MTMR12: variants seen among roughly 807,000 people sequenced by gnomAD.
The protein encoded by MTMR12 is myotubularin-related protein 12.
Under a neutral mutation model 96.7 loss-of-function variants are expected in MTMR12, and 33 were observed. The observed-to-expected ratio is 0.34, with a 90% CI of 0.26 to 0.46. The LOEUF (loss-of-function observed/expected upper bound fraction) is 0.46, where lower values mean the gene tolerates loss of function less well. MTMR12 is among the 20% of genes least tolerant of loss of function. The pLI is 1.00. For missense variants in MTMR12, 721 were observed against 896.1 expected (o/e 0.80, Z 2.49); for synonymous variants, 298 against 327.2 (o/e 0.91, Z 0.96).
chr5:32,243,168 G>A (rs1191573685), intron 11 of MTMR12, among the ~76,000 whole-genome samples: 2 of 152,158 alleles, frequency 1.3e-5, no homozygotes, highest in Admixed American at 6.5e-5. Flanking sequence ...TAAGACACAA[G>A]ATTAAAAAAG....
In MTMR12 at chr5:32,257,519, C is replaced by T. The variant is rs936531934; in HGVS notation, c.714-1751G>A. On this transcript the variant is annotated intron_variant, in intron 7 of 15. Transcript: ENST00000382142. ...GGCATGGTGGCTCACACCTATAATC[C>T]CAGAACTTTGGGAGGCTGAGGTGGG... Among the ~76,000 whole-genome samples the T allele has an allele frequency of 2.0e-5, 3 of 151,890 alleles. 1 individual carries two copies. Among genetic ancestry groups the T allele is most frequent in the South Asian group, 2.1e-4 (1 of 4,816 alleles).
rs914079684 is a variant in MTMR12 at position 32,312,535 on chromosome 5, G to T, written c.81+223C>A. On this transcript the variant is annotated intron_variant, in intron 1 of 15. Coordinates refer to ENST00000382142, the MANE Select transcript of MTMR12 (RefSeq NM_001040446.3). This position sits in a 1 kb window ranked among gnomAD's most constrained non-coding sequence, Gnocchi z 5.0. ...GCCCCTCCACCAGCCTCCAGCGCTC[G>T]GGCCCTGCGCTCAGGCACCTGCCTG... is the stretch of plus-strand genomic sequence containing the variant. Among the ~76,000 whole-genome samples the T allele has an allele frequency of 6.6e-6, 1 of 152,206 alleles. No individual in the cohort carries two copies. The highest frequency in any genetic ancestry group is 6.5e-5 in the Admixed American group (1 of 15,300).
At chr5:32,244,139 G>T (rs1748582067) in intron 10 of MTMR12, among the ~76,000 whole-genome samples, 1 of 152,160 alleles carries the variant, frequency 6.6e-6, no homozygotes, top group Admixed American at 6.5e-5. Flanking sequence ...CTCAGGCTGG[G>T]TGCTGTGGCT....
chr5:32,230,979 T>C (rs1056771413), intron 15 of MTMR12, among the ~76,000 whole-genome samples: 4 of 152,176 alleles, frequency 2.6e-5, no homozygotes, highest in Admixed American at 1.3e-4. Context: ...TGACCAGACT[T>C]GTCTGGCAAC....
chr5:32,229,607 T>A lies in MTMR12; in HGVS notation c.*171A>T. 1.9e-6 allele frequency: 1 copy of A among 526,552 alleles called. No homozygotes were observed. Among genetic ancestry groups the A allele is most frequent in the Admixed American group, 3.9e-5 (1 of 25,804 alleles). 32.6% of individuals were successfully genotyped at this position (526,552 alleles called of 1,614,324 possible). A position where few individuals can be genotyped will look rare whatever the true frequency, so the allele number is the denominator to read the frequency against. On this transcript the variant is annotated 3_prime_UTR_variant, in exon 16 of 16. Coordinates refer to ENST00000382142, the MANE Select transcript of MTMR12 (RefSeq NM_001040446.3). ...GATGCGGTTTTAATTGCATAGTCTTTTAGAATCATGAAAAATAATGAGAGC... is the reference window on the plus strand; with the variant it reads ...GATGCGGTTTTAATTGCATAGTCTTATAGAATCATGAAAAATAATGAGAGC...
At chr5:32,281,865 A>C (rs919401112) in intron 1 of MTMR12, among the ~76,000 whole-genome samples, 1 of 148,856 alleles carries the variant, frequency 6.7e-6, no homozygotes, top group South Asian at 2.1e-4. Flanking sequence ...ATACCATTGC[A>C]CTCCAGCCTG....
rs757683450 is a variant in MTMR12, at chr5:32,255,755, A to G, written c.727T>C (p.Phe243Leu). 6.2e-7 allele frequency: 1 copy of G among 1,612,654 alleles called. No individual in the cohort carries two copies. The highest frequency in any genetic ancestry group is 8.5e-7 in the Non-Finnish European group (1 of 1,179,422). The change falls in exon 8 of 16, where the codon TTT becomes CTT. Residue 243 changes from phenylalanine (F) to leucine (L), a missense_variant. Physicochemically the swap from Phe to Leu is conservative, Grantham distance 22. Transcript: ENST00000382142. Reference sequence around the variant, plus strand: ...TCAGGAAGAGGGGTGGGGACAACAAAGTATGCTGGCAATCTAGAAGAAAGA... The same window carrying G: ...TCAGGAAGAGGGGTGGGGACAACAAGGTATGCTGGCAATCTAGAAGAAAGA... ...YKVCERLPAY[F>L]VVPTPLPEEN...
rs1748797616 is a variant in MTMR12, at chr5:32,248,796, T to C, written c.872A>G (p.Gln291Arg). 5 of 1,614,172 alleles carry C rather than the reference T, an allele frequency of 3.1e-6. No homozygotes were observed. The highest frequency in any genetic ancestry group is 2.5e-6 in the Non-Finnish European group (3 of 1,179,996). The change falls in exon 9 of 16, where the codon CAA becomes CGA. Residue 291 changes from glutamine to arginine, a missense_variant. Coordinates refer to ENST00000382142, the MANE Select transcript of MTMR12 (RefSeq NM_001040446.3). ...CCCATCTAAGAAGCTCTTTTGGATT[T>C]GTAAAATGCCGTCATCCTGTTCTTT... ...LPKEQDDGIL[Q>R]IQKSFLDGIY...
chr5:32,298,871 C>T (rs113289340), intron 1 of MTMR12, among the ~76,000 whole-genome samples: 8,290 of 149,870 alleles, frequency 0.055, 467 homozygotes, highest in African/African-American at 0.14. Context: ...GAGAATGGCA[C>T]GAACCCGGGA....
chr5:32,296,635 C>G (rs1291088051), intron 1 of MTMR12, among the ~76,000 whole-genome samples: 2 of 151,542 alleles, frequency 1.3e-5, no homozygotes, highest in Non-Finnish European at 2.9e-5. Flanking sequence ...ACAGTGAAAC[C>G]TGTCCCTACC....
intron 7 of MTMR12, among the ~76,000 whole-genome samples, chr5:32,262,366 C>T (rs6862962): frequency 0.16 from 24,924 of 152,066 alleles, 2,569 homozygotes; most frequent in South Asian, 0.23. Context: ...TTTGGAAGGC[C>T]GAGGTGAGAG....
rs957454893 is a variant in MTMR12, at chr5:32,233,412, G to A, written c.1674+361C>T. 1.3e-5 allele frequency among the ~76,000 whole-genome samples: 2 copies of A among 151,082 alleles called. No homozygotes were observed. The highest frequency in any genetic ancestry group is 2.4e-5 in the African/African-American group (1 of 40,882). Reference sequence around the variant, plus strand: ...TTATTATAATAAATGAACTGGTATCGGCCAAGTAAAACCCACACAATCAAT... The same window carrying A: ...TTATTATAATAAATGAACTGGTATCAGCCAAGTAAAACCCACACAATCAAT... On this transcript the variant is annotated intron_variant, in intron 15 of 15. Coordinates refer to ENST00000382142, the MANE Select transcript of MTMR12 (RefSeq NM_001040446.3). This position sits in a 1 kb window ranked among gnomAD's most constrained non-coding sequence, Gnocchi z 5.0.
intron 1 of MTMR12, among the ~76,000 whole-genome samples, chr5:32,280,925 AT>A (rs1750264866): frequency 6.6e-6 from 1 of 151,494 alleles, no homozygotes; most frequent in Admixed American, 6.6e-5. Flanking sequence ...ATTTCCTTTC[AT>A]GAGTAAACAA....
chr5:32,296,322 T>A (rs574474232), intron 1 of MTMR12: 112 of 162,272 alleles, frequency 6.9e-4, no homozygotes, highest in African/African-American at 2.5e-3. Context: ...TTACAAAAAA[T>A]GAACAAAATT....
intron 7 of MTMR12, 40 bp downstream of exon 7, chr5:32,263,073 G>A (rs1339466584): frequency 1.2e-6 from 2 of 1,607,526 alleles, no homozygotes; most frequent in Non-Finnish European, 1.7e-6. Context: ...CACTTTTAAT[G>A]GGTGAATTGT....
chr5:32,273,907 C>G, intron 3 of MTMR12, 73 bp downstream of exon 3: 2 of 1,589,904 alleles, frequency 1.3e-6, no homozygotes, highest in Middle Eastern at 1.7e-4. Flanking sequence ...AACTGAGAAG[C>G]TGGGAAAAAA....
intron 1 of MTMR12, among the ~76,000 whole-genome samples, chr5:32,308,732 C>A (rs940975283): frequency 1.3e-5 from 2 of 152,008 alleles, no homozygotes; most frequent in African/African-American, 4.8e-5. Context: ...TCCCGAGTAA[C>A]TGGGACTAAC....
intron 1 of MTMR12, among the ~76,000 whole-genome samples, chr5:32,291,848 T>G (rs1035891923): frequency 2.6e-5 from 4 of 152,166 alleles, no homozygotes; most frequent in Admixed American, 6.5e-5. Context: ...ACCTGGTGGC[T>G]GGTTGATTAT....
At chr5:32,264,156 T>A (rs1749495712) in intron 6 of MTMR12, among the ~76,000 whole-genome samples, 1 of 152,194 alleles carries the variant, frequency 6.6e-6, no homozygotes, top group African/African-American at 2.4e-5. Flanking sequence ...TAGGACAAAA[T>A]GCCCTGGAGC....
Sources: gnomAD v4.1 joint callset for allele counts (sites outside exome capture counted in the v4.1 genomes callset) on GRCh38, gnomAD v4.1.1 for gene constraint, Gnocchi (gnomAD v3.1) non-coding constraint, MANE v1.5 for transcripts, NCBI Gene and HGNC (gene_info 2026-07-23, HGNC 2026-07-21) for gene names.